YWHAE: variants seen among roughly 807,000 people sequenced by gnomAD.
YWHAE encodes 14-3-3 protein epsilon.
In YWHAE, 4 loss-of-function variants were observed where a neutral mutation model predicts 30.1. The observed-to-expected ratio is 0.13, with a 90% confidence interval of 0.07 to 0.30. The LOEUF is 0.30. Among genes scored for constraint, YWHAE ranks in the 10% least tolerant of loss-of-function variants. YWHAE has a pLI of 1.00. For synonymous variants in YWHAE, 118 were observed against 111.8 expected, an observed-to-expected ratio of 1.06 and a Z score of -0.35; for missense variants, 121 against 315.9, an observed-to-expected ratio of 0.38 and a Z score of 4.68.
intron 1 of YWHAE, among the ~76,000 whole-genome samples, chr17:1,381,001 T>C (rs1376240454): frequency 6.6e-6 from 1 of 152,198 alleles, no homozygotes; most frequent in Non-Finnish European, 1.5e-5. Context: ...AGACTGTAAC[T>C]CTTCCATAGT....
intron 5 of YWHAE, among the ~76,000 whole-genome samples, chr17:1,353,626 G>C (rs942426001): frequency 4.6e-5 from 7 of 151,900 alleles, no homozygotes; most frequent in African/African-American, 1.5e-4. Flanking sequence ...AGGTAGTCGT[G>C]ATAACGGGTG....
At chr17:1,363,566 C>G (rs1405244132) in intron 2 of YWHAE, among the ~76,000 whole-genome samples, 1 of 152,134 alleles carries the variant, frequency 6.6e-6, no homozygotes, top group East Asian at 1.9e-4. Context: ...CGGAAGGCCC[C>G]AGCTCACAAC....
intron 5 of YWHAE, among the ~76,000 whole-genome samples, chr17:1,346,966 G>A (rs1243803922): frequency 6.7e-6 from 1 of 149,592 alleles, no homozygotes; most frequent in Admixed American, 6.7e-5. Flanking sequence ...ACTCCAGCCT[G>A]GGTAACAGAG....
intron 5 of YWHAE, among the ~76,000 whole-genome samples, chr17:1,347,326 C>T (rs118187252): frequency 2.0e-5 from 3 of 148,782 alleles, no homozygotes; most frequent in Non-Finnish European, 4.5e-5. Flanking sequence ...ATCGAGACTC[C>T]GTCTCAAAAA....
chr17:1,384,647 T>C (rs1394631298), intron 1 of YWHAE, among the ~76,000 whole-genome samples: 1 of 152,074 alleles, frequency 6.6e-6, no homozygotes, highest in Non-Finnish European at 1.5e-5. Context: ...CAGGCTGGTC[T>C]TGAACTCCTG....
intron 5 of YWHAE, among the ~76,000 whole-genome samples, chr17:1,350,616 A>G (rs927956836): frequency 6.6e-6 from 1 of 150,786 alleles, no homozygotes; most frequent in Non-Finnish European, 1.5e-5. Context: ...TAATTTTTGT[A>G]TTTGTAGTAG....
chr17:1,395,022 G>C (rs2073446931), intron 1 of YWHAE, among the ~76,000 whole-genome samples: 1 of 151,938 alleles, frequency 6.6e-6, no homozygotes, highest in Non-Finnish European at 1.5e-5. Context: ...ATTACTGTTT[G>C]TGTACACAGT....
chr17:1,368,115 G>A (rs1040890621), intron 1 of YWHAE, among the ~76,000 whole-genome samples: 8 of 152,032 alleles, frequency 5.3e-5, no homozygotes, highest in South Asian at 2.1e-4. Flanking sequence ...GGCCAGGCAC[G>A]GTGACTCACG....
At chr17:1,357,159 T>G (rs2072761860) in intron 4 of YWHAE, among the ~76,000 whole-genome samples, 1 of 149,370 alleles carries the variant, frequency 6.7e-6, no homozygotes, top group Non-Finnish European at 1.5e-5. Context: ...ATCCCAGCAC[T>G]TTGGGAGGCC....
chr17:1,377,233 C>A (rs2073140299), intron 1 of YWHAE, among the ~76,000 whole-genome samples: 2 of 151,964 alleles, frequency 1.3e-5, no homozygotes. Context: ...ATTTTAAGGG[C>A]AGAAAAATGA....
rs35109750 is a variant in YWHAE at position 1,366,210 on chromosome 17, C to CAA, written c.65-1154_65-1153dup. 7.5e-3 allele frequency among the ~76,000 whole-genome samples: 949 copies of CAA among 127,170 alleles called. 14 individuals are homozygous for CAA. Among genetic ancestry groups the CAA allele is most frequent in the African/African-American group, 0.024 (828 of 35,036 alleles). The allele number at this position is 127,170 out of a possible 152,430, so 83.4% of individuals were successfully genotyped here. On this transcript the variant is annotated intron_variant, in intron 1 of 5. Transcript: ENST00000264335. Reference sequence around the variant, plus strand: ...CAGCCCAGCAACAGAGACTCCACCTCAAAAAAAAAAAAATAGAATAAATAA... The same window carrying CAA: ...CAGCCCAGCAACAGAGACTCCACCTCAAAAAAAAAAAAAAATAGAATAAATAA...
chr17:1,357,398 G>A (rs1350031071), intron 4 of YWHAE, among the ~76,000 whole-genome samples: 133 of 104,938 alleles, frequency 1.3e-3, no homozygotes, highest in African/African-American at 5.7e-3. Context: ...GCGAGACTCC[G>A]TCTCAAAAAA....
At position 1,364,995 on chromosome 17, in the gene YWHAE, T is replaced by C; in HGVS notation, c.128A>G (p.Asn43Ser). ...MDVELTVEER[N>S]LLSVAYKNVI... is the part of the protein sequence containing the mutation. ...ATTCTTATATGCAACAGATAGGAGG[T>C]TTCTTTCTTCAACTGTCAGCTCCAC... The change falls in exon 2 of 6, where the codon AAC becomes AGC. Residue 43 changes from asparagine to serine, a missense_variant. Transcript: ENST00000264335. 6.2e-7 allele frequency: 1 copy of C among 1,614,060 alleles called. No individual in the cohort carries two copies. The highest frequency in any genetic ancestry group is 8.5e-7 in the Non-Finnish European group (1 of 1,180,008).
chr17:1,344,309 A>G lies in YWHAE; in HGVS notation c.*1138T>C, dbSNP rs930072008. ...TGTTGTACTTTAATGATTAAAATAAATACCATGTTGCTGCCTGGTCTGGAG... is the reference window on the plus strand; with the variant it reads ...TGTTGTACTTTAATGATTAAAATAAGTACCATGTTGCTGCCTGGTCTGGAG... On this transcript the variant is annotated 3_prime_UTR_variant, in exon 6 of 6. Coordinates refer to ENST00000264335, the MANE Select transcript of YWHAE (RefSeq NM_006761.5). 6.2e-6 allele frequency: 1 copy of G among 160,630 alleles called. No homozygotes were observed. The highest frequency in any genetic ancestry group is 1.4e-5 in the Non-Finnish European group (1 of 72,878). The allele number at this position is 160,630 out of a possible 1,614,324, so 10.0% of individuals were successfully genotyped here. A position where few individuals can be genotyped will look rare whatever the true frequency, so the allele number is the denominator to read the frequency against.
intron 1 of YWHAE, among the ~76,000 whole-genome samples, chr17:1,395,219 C>A (rs1359773407): frequency 6.6e-6 from 1 of 151,924 alleles, no homozygotes; most frequent in Non-Finnish European, 1.5e-5. Context: ...ATGGTAAAAC[C>A]CTGTCTCTAC....
In YWHAE at chr17:1,370,353, G is replaced by T. The variant is rs530163710; in HGVS notation, c.65-5295C>A. Among the ~76,000 whole-genome samples, 6 of 151,504 alleles carry T rather than the reference G, an allele frequency of 4.0e-5. No homozygotes were observed. In the East Asian group the frequency reaches 1.2e-3, roughly 30 times the overall value. On this transcript the variant is annotated intron_variant, in intron 1 of 5. Transcript: ENST00000264335. ...TCACCATGTTAGCCAGGACGGTCTC[G>T]ATCTCCTGACCTTGTGATCCGCCCG...
intron 1 of YWHAE, among the ~76,000 whole-genome samples, chr17:1,365,857 C>A (rs190118727): frequency 2.2e-3 from 341 of 152,288 alleles, no homozygotes; most frequent in Non-Finnish European, 3.9e-3. Context: ...GCTCATACCC[C>A]TAGCACTTTG....
chr17:1,388,815 T>C (rs2073346673), intron 1 of YWHAE, among the ~76,000 whole-genome samples: 1 of 152,222 alleles, frequency 6.6e-6, no homozygotes, highest in South Asian at 2.1e-4. Context: ...TCTAAAAATC[T>C]ACAAAAACTG....
intron 1 of YWHAE, 179 bp downstream of exon 1, chr17:1,399,868 T>C (rs1452792549): frequency 1.4e-6 from 1 of 716,922 alleles, no homozygotes; most frequent in Admixed American, 2.2e-5. Flanking sequence ...AGGGGTCACA[T>C]TCCAGGGCAT....
Sources: allele counts gnomAD v4.1 joint callset (sites outside exome capture counted in the v4.1 genomes callset), GRCh38; gene constraint gnomAD v4.1.1; transcripts MANE v1.5; gene names NCBI Gene and HGNC (gene_info 2026-07-23, HGNC 2026-07-21).